PHF24: variants seen among roughly 807,000 people sequenced by gnomAD.
PHF24 encodes the protein PHD finger protein 24, also known as Galpha inhibitory interacting protein.
A neutral mutation model predicts 42.6 loss-of-function variants in PHF24; 25 were observed. That is an observed-to-expected ratio of 0.59 (90% CI 0.43 to 0.82). The LOEUF (loss-of-function observed/expected upper bound fraction) is 0.82. PHF24 is among the 40% of genes least tolerant of loss of function. The pLI, the probability that PHF24 is intolerant of heterozygous loss-of-function variation, is 0.00. For synonymous variants in PHF24, 185 were observed against 204.8 expected (o/e 0.90, Z 0.83); for missense variants, 470 against 538.1 (o/e 0.87, Z 1.25).
the PHF24 span, among the ~76,000 whole-genome samples, chr9:34,813,235 A>G: frequency 6.6e-6 from 1 of 152,040 alleles, no homozygotes; most frequent in Non-Finnish European, 1.5e-5. Context: ...GCTTGCCTTT[A>G]TAAATAGTCT....
At chr9:34,735,741 G>C in the PHF24 span, among the ~76,000 whole-genome samples, 1 of 151,822 alleles carries the variant, frequency 6.6e-6, no homozygotes, top group Non-Finnish European at 1.5e-5. Flanking sequence ...GGAGGTTGCA[G>C]TGAGCCAAGA....
At chr9:34,767,605 G>A in the PHF24 span, among the ~76,000 whole-genome samples, 1 of 152,236 alleles carries the variant, frequency 6.6e-6, no homozygotes, top group African/African-American at 2.4e-5. Context: ...GGTGCCGTCT[G>A]TCACCCCTTT....
the PHF24 span, among the ~76,000 whole-genome samples, chr9:34,673,480 T>G: frequency 6.6e-6 from 1 of 152,124 alleles, no homozygotes; most frequent in Non-Finnish European, 1.5e-5. Context: ...GTTGTTTGTT[T>G]GTTTTTTTAA....
the PHF24 span, among the ~76,000 whole-genome samples, chr9:34,784,973 T>A: frequency 2.6e-5 from 4 of 152,244 alleles, no homozygotes; most frequent in African/African-American, 9.6e-5. Flanking sequence ...TTTTAGCTTT[T>A]AAAAATGTGA....
chr9:34,825,442 A>G, the PHF24 span, among the ~76,000 whole-genome samples: 4 of 152,188 alleles, frequency 2.6e-5, no homozygotes, highest in Admixed American at 2.0e-4. Context: ...GGTCTGAGGT[A>G]GCCTAGAGGA....
the PHF24 span, among the ~76,000 whole-genome samples, chr9:34,813,725 A>G: frequency 6.6e-6 from 1 of 152,194 alleles, no homozygotes; most frequent in Non-Finnish European, 1.5e-5. Context: ...AGATGAAGTT[A>G]TATAATGCAA....
At chr9:34,676,437 C>A in the PHF24 span, among the ~76,000 whole-genome samples, 94 of 152,270 alleles carry the variant, frequency 6.2e-4, no homozygotes, top group Non-Finnish European at 1.2e-3. Context: ...GGTGGAGGAT[C>A]TCTTGAGCCT....
chr9:34,669,152 T>C, the PHF24 span, among the ~76,000 whole-genome samples: 1 of 152,204 alleles, frequency 6.6e-6, no homozygotes, highest in African/African-American at 2.4e-5. Context: ...AAAACCAAGC[T>C]GTGCACCGAC....
At position 34,978,003 on chromosome 9, in the gene PHF24, C is replaced by T. The variant is rs1827266332; in HGVS notation, c.1107-12C>T. The T allele has an allele frequency of 1.2e-6, 2 of 1,604,900 alleles. No homozygotes were observed. Among genetic ancestry groups the T allele is most frequent in the African/African-American group, 1.3e-5 (1 of 74,752 alleles). On this transcript the variant is annotated splice_polypyrimidine_tract_variant and intron_variant, in intron 7 of 7. Coordinates refer to ENST00000242315, the Ensembl canonical transcript of PHF24. ...ACCAGCCTCACGACTCTGTTCTTTG[C>T]TTCCACTCCAGATTTGTGGACTGGC...
exon 2 of PHF24, chr9:34,971,653 A>G (rs201454633): frequency 6.2e-7 from 1 of 1,612,262 alleles, no homozygotes; most frequent in African/African-American, 1.3e-5. Flanking sequence ...ACCTCCAGAA[A>G]TCTGCCTGGA....
At chr9:34,801,396 A>G in the PHF24 span, among the ~76,000 whole-genome samples, 12 of 152,306 alleles carry the variant, frequency 7.9e-5, no homozygotes, top group African/African-American at 2.9e-4. Context: ...AACCAACCCA[A>G]ATACTCATCA....
the PHF24 span, among the ~76,000 whole-genome samples, chr9:34,848,521 A>G: frequency 6.6e-6 from 1 of 152,064 alleles, no homozygotes; most frequent in Non-Finnish European, 1.5e-5. Flanking sequence ...CTAGCGATCT[A>G]TCAATTTTGT....
chr9:34,795,629 A>G, the PHF24 span, among the ~76,000 whole-genome samples: 4 of 152,174 alleles, frequency 2.6e-5, no homozygotes, highest in Admixed American at 2.6e-4. Context: ...ACAATTTTTA[A>G]AAAGAAGTAG....
chr9:34,848,869 G>C, the PHF24 span, among the ~76,000 whole-genome samples: 1 of 152,038 alleles, frequency 6.6e-6, no homozygotes, highest in Non-Finnish European at 1.5e-5. Flanking sequence ...CCCAGTAGTC[G>C]TTCAGGAGCA....
At chr9:34,833,230 G>T in the PHF24 span, 3 of 1,548,048 alleles carry the variant, frequency 1.9e-6, no homozygotes, top group Non-Finnish European at 2.6e-6. Flanking sequence ...CAGGGCCACA[G>T]GGTTCCTCCA....
the PHF24 span, among the ~76,000 whole-genome samples, chr9:34,845,142 C>T: frequency 6.6e-6 from 1 of 152,220 alleles, no homozygotes; most frequent in South Asian, 2.1e-4. Context: ...TATAGCTACC[C>T]TTCCTCTCTT....
chr9:34,938,112 G>T, the PHF24 span, among the ~76,000 whole-genome samples: 1 of 152,164 alleles, frequency 6.6e-6, no homozygotes, highest in Non-Finnish European at 1.5e-5. Flanking sequence ...TAGAAATTTT[G>T]TGTTTTGTTT....
chr9:34,673,273 T>C, the PHF24 span, among the ~76,000 whole-genome samples: 1 of 148,652 alleles, frequency 6.7e-6, no homozygotes, highest in Non-Finnish European at 1.5e-5. Flanking sequence ...GAGGATTCTC[T>C]AACCTGGGAG....
At chr9:34,694,171 T>C in the PHF24 span, among the ~76,000 whole-genome samples, 8 of 140,496 alleles carry the variant, frequency 5.7e-5, no homozygotes, top group African/African-American at 2.2e-4. Context: ...TTTTTTTTTT[T>C]TTTTTTTTTT....
Sources: gnomAD v4.1 joint callset for allele counts (sites outside exome capture counted in the v4.1 genomes callset) on GRCh38, gnomAD v4.1.1 for gene constraint, MANE v1.5 for transcripts, NCBI Gene and HGNC (gene_info 2026-07-23, HGNC 2026-07-21) for gene names.